CDCA2: variants seen among roughly 807,000 people sequenced by gnomAD.
The protein encoded by CDCA2 is cell division cycle associated 2, also known as cell division cycle-associated protein 2.
Under a neutral mutation model 67.0 loss-of-function variants are expected in CDCA2, and 44 were observed. The observed-to-expected ratio is 0.66, with a 90% CI of 0.52 to 0.84. The LOEUF is 0.84. Ranked by LOEUF, CDCA2 falls within the 40% of genes least tolerant of loss-of-function variation. The probability of loss-of-function intolerance (pLI) is 0.00; values close to 1 mark genes in which losing one functional copy is unlikely to be tolerated. For missense variants in CDCA2, 1,253 were observed against 1,203.2 expected, an observed-to-expected ratio of 1.04 and a Z score of -0.61; for synonymous variants, 447 against 418.7, an observed-to-expected ratio of 1.07 and a Z score of -0.82.
chr8:25,469,010 A>G (rs1425913346), intron 6 of CDCA2, among the ~76,000 whole-genome samples: 2 of 152,252 alleles, frequency 1.3e-5, no homozygotes, highest in Non-Finnish European at 2.9e-5. Context: ...AAAAGGCGAT[A>G]TTAGAAAAAT....
intron 9 of CDCA2, 48 bp from the exon 10 acceptor site, chr8:25,483,918 A>T: frequency 6.6e-7 from 1 of 1,526,252 alleles, no homozygotes; most frequent in Non-Finnish European, 9.0e-7. Context: ...TTTAGATAAG[A>T]AATATAGCTT....
chr8:25,507,455 G>C lies in CDCA2; in HGVS notation c.2789G>C (p.Ser930Thr). 3.1e-6 allele frequency: 5 copies of C among 1,614,076 alleles called. No individual in the cohort carries two copies. The highest frequency in any genetic ancestry group is 4.2e-6 in the Non-Finnish European group (5 of 1,180,004). Reference protein sequence around the residue: ...KRRTICTFDSSGFESMSPIKE... With the variant: ...KRRTICTFDSTGFESMSPIKE... ...AGAACAATATGTACATTTGACAGCA[G>C]TGGATTTGAAAGTATGTCTCCCATA... The change falls in exon 15 of 15, where the codon AGT (serine) becomes ACT (threonine). Residue 930 changes from serine to threonine, a missense_variant. Physicochemically the swap from Ser to Thr is moderately conservative, Grantham distance 58. Coordinates refer to ENST00000330560, the MANE Select transcript of CDCA2 (RefSeq NM_152562.4).
At chr8:25,490,040 C>T (rs1367570553) in intron 13 of CDCA2, among the ~76,000 whole-genome samples, 2 of 152,162 alleles carry the variant, frequency 1.3e-5, no homozygotes, top group Non-Finnish European at 2.9e-5. Context: ...GCACAGATAT[C>T]CTTAAGTCAT....
intron 3 of CDCA2, among the ~76,000 whole-genome samples, 200 bp downstream of exon 3, chr8:25,460,754 C>G (rs968318281): frequency 1.3e-5 from 2 of 152,064 alleles, no homozygotes; most frequent in Non-Finnish European, 2.9e-5. Flanking sequence ...CGCAGGGCAC[C>G]CAGCATGATA....
At chr8:25,470,516 A>G (rs74329865) in intron 7 of CDCA2, among the ~76,000 whole-genome samples, 1 of 152,168 alleles carries the variant, frequency 6.6e-6, no homozygotes, top group African/African-American at 2.4e-5. Flanking sequence ...ATTACTTAAC[A>G]TGGTTTTATT....
At chr8:25,468,196 G>C in intron 5 of CDCA2, 21 bp from the exon 6 acceptor site, 1 of 1,449,216 alleles carries the variant, frequency 6.9e-7, no homozygotes, top group South Asian at 1.4e-5. Context: ...GTGTCGTTTT[G>C]TTTTTATTTT....
chr8:25,461,368 T>C (rs932320059), intron 3 of CDCA2, among the ~76,000 whole-genome samples: 2 of 151,264 alleles, frequency 1.3e-5, no homozygotes, highest in African/African-American at 4.9e-5. Flanking sequence ...CTGACTTAGA[T>C]GGAAAAGAAG....
Position 25,507,230 on chromosome 8 carries a change from G to C in CDCA2, c.2564G>C (p.Ser855Thr). 1 of 1,614,142 alleles carries C rather than the reference G, an allele frequency of 6.2e-7. No homozygotes were observed. The highest frequency in any genetic ancestry group is 8.5e-7 in the Non-Finnish European group (1 of 1,180,014). The change falls in exon 15 of 15, where the codon AGT (serine) becomes ACT (threonine). Residue 855 changes from serine (S) to threonine (T), a missense_variant. Physicochemically the swap from Ser to Thr is moderately conservative, Grantham distance 58. Coordinates refer to ENST00000330560, the MANE Select transcript of CDCA2 (RefSeq NM_152562.4). ...AATGGAAATCACACACCATCCTCCA[G>C]TGTGGGCAGCTCTGTAGAAATTAGT... ...EKNGNHTPSS[S>T]VGSSVEISLE...
intron 13 of CDCA2, among the ~76,000 whole-genome samples, chr8:25,501,959 G>A (rs940671490): frequency 6.6e-6 from 1 of 152,060 alleles, no homozygotes; most frequent in Non-Finnish European, 1.5e-5. Context: ...GTGCAGTGGC[G>A]CGATCTCGGC....
intron 4 of CDCA2, among the ~76,000 whole-genome samples, chr8:25,465,048 A>G (rs970295815): frequency 6.6e-6 from 1 of 152,048 alleles, no homozygotes; most frequent in Non-Finnish European, 1.5e-5. Context: ...ATCTCGGCCC[A>G]TTGCAACCTC....
intron 13 of CDCA2, among the ~76,000 whole-genome samples, chr8:25,497,150 A>C (rs186970404): frequency 6.6e-6 from 1 of 152,100 alleles, no homozygotes; most frequent in East Asian, 1.9e-4. Context: ...AGTGACTCCA[A>C]ATAATCCATT....
chr8:25,500,479 C>T (rs1804429545), intron 13 of CDCA2, among the ~76,000 whole-genome samples: 1 of 151,820 alleles, frequency 6.6e-6, no homozygotes, highest in South Asian at 2.1e-4. Context: ...TGTTGTATGC[C>T]ATACGTATAT....
In CDCA2 at chr8:25,488,665, G is replaced by GAGAGC; in HGVS notation, c.1649_1653dup (p.Leu552GlufsTer10). The stretch of plus-strand genomic sequence containing the variant: ...AGTCTCAAGAAACAAAGTGTACAAA[G>GAGAGC]AGAGCACTTCCTAAGAAGAGTCAGG... On this transcript the variant is annotated frameshift_variant, in exon 13 of 15. Transcript: ENST00000330560. LOFTEE classifies it high-confidence loss of function. 2 of 1,610,602 alleles carry GAGAGC rather than the reference G, an allele frequency of 1.2e-6. No homozygotes were observed. Among genetic ancestry groups the GAGAGC allele is most frequent in the Non-Finnish European group, 1.7e-6 (2 of 1,178,870 alleles).
At chr8:25,492,749 A>G (rs1563278670) in intron 13 of CDCA2, among the ~76,000 whole-genome samples, 2 of 152,228 alleles carry the variant, frequency 1.3e-5, no homozygotes, top group African/African-American at 4.8e-5. Context: ...TTTTCAACTA[A>G]GGACGAAGCT....
rs1039104017 is a variant in CDCA2 at position 25,484,225 on chromosome 8, C to T, written c.1365+15C>T. ...GGGAGAATCTTGTAAGTATGAAAAG[C>T]GTGGAACAAGCTTGCCATATGTATT... On this transcript the variant is annotated intron_variant, in intron 10 of 14. Coordinates refer to ENST00000330560, the MANE Select transcript of CDCA2 (RefSeq NM_152562.4). 7.4e-6 allele frequency: 12 copies of T among 1,610,980 alleles called. No homozygotes were observed. Among genetic ancestry groups the T allele is most frequent in the East Asian group, 4.5e-5 (2 of 44,826 alleles).
intron 4 of CDCA2, among the ~76,000 whole-genome samples, chr8:25,463,167 G>A (rs543271716): frequency 2.3e-4 from 35 of 152,216 alleles, no homozygotes; most frequent in Non-Finnish European, 2.8e-4. Context: ...AGGGGCAAGG[G>A]TCTCCTGGAC....
At position 25,483,490 on chromosome 8, in the gene CDCA2, A is replaced by T. The variant is rs765961468; in HGVS notation, c.1120+4A>T. On this transcript the variant is annotated splice_donor_region_variant and intron_variant, in intron 9 of 14. Transcript: ENST00000330560. ...TGTTGCAAAGAGAAAGAAGCAGGTAAGAAATTCATACTTGTTTTTAAGCTT... is the reference window on the plus strand; with the variant it reads ...TGTTGCAAAGAGAAAGAAGCAGGTATGAAATTCATACTTGTTTTTAAGCTT... 16 of 1,596,274 alleles carry T rather than the reference A, an allele frequency of 1.0e-5. No individual in the cohort carries two copies. In the East Asian group the frequency reaches 3.6e-4, roughly 36 times the overall value.
intron 4 of CDCA2, 92 bp from the exon 5 acceptor site, chr8:25,466,083 T>C: frequency 1.7e-6 from 2 of 1,172,196 alleles, no homozygotes; most frequent in South Asian, 1.5e-5. Context: ...ATATGTGTAC[T>C]GTATTTAATT....
At chr8:25,491,955 G>A (rs1007704526) in intron 13 of CDCA2, among the ~76,000 whole-genome samples, 1 of 152,106 alleles carries the variant, frequency 6.6e-6, no homozygotes, top group Non-Finnish European at 1.5e-5. Context: ...GCACCACCAT[G>A]CTCGGCTAAT....
Sources: gnomAD v4.1 joint callset for allele counts (sites outside exome capture counted in the v4.1 genomes callset) on GRCh38, gnomAD v4.1.1 for gene constraint, MANE v1.5 for transcripts, NCBI Gene and HGNC (gene_info 2026-07-23, HGNC 2026-07-21) for gene names.